The following ZXDC variants were observed in gnomAD, a reference collection of about 807,000 sequenced individuals.
The protein encoded by ZXDC is zinc finger protein ZXDC.
ZXDC carries 58 observed loss-of-function variants against 63.6 expected under a neutral mutation model. The observed-to-expected ratio is 0.91, with a 90% CI of 0.74 to 1.13. The LOEUF is 1.13. ZXDC is among the 50% of genes most tolerant of loss of function. The pLI is 0.00. For synonymous variants in ZXDC, 561 were observed against 496.1 expected (o/e 1.13, Z -1.74); for missense variants, 1,133 against 1,148.9 (o/e 0.99, Z 0.20).
At chr3:126,461,135 A>G (rs959289655) in intron 6 of ZXDC, 6 of 991,990 alleles carry the variant, frequency 6.0e-6, no homozygotes, top group Admixed American at 1.2e-4. Flanking sequence ...GTATGGTTTT[A>G]AAGTTTCCAT....
intron 7 of ZXDC, chr3:126,458,875 T>C (rs1934411519): frequency 1.0e-6 from 1 of 985,302 alleles, no homozygotes; most frequent in Non-Finnish European, 1.2e-6. Context: ...TACACTATAG[T>C]GAAACACTGG....
At chr3:126,474,872 C>G (rs1242451518) in intron 1 of ZXDC, 87 bp downstream of exon 1, 1 of 1,425,542 alleles carries the variant, frequency 7.0e-7, no homozygotes, top group Non-Finnish European at 9.3e-7. Context: ...TTGCTAAGGT[C>G]TGGCAGGCCC....
chr3:126,439,695 C>T lies in ZXDC; in HGVS notation c.2427G>A (p.Ser809=), dbSNP rs181610510. 53 of 1,552,490 alleles carry T rather than the reference C, an allele frequency of 3.4e-5. No individual in the cohort carries two copies. The highest frequency in any genetic ancestry group is 4.9e-5 in the East Asian group (2 of 41,138). ...DDPSGEGVLP[S]ARGPATFLPF... Reference sequence around the variant, plus strand: ...GGAGGAAGGTGGCTGGGCCGCGGGCCGAGGGCAGGACACCTTCGCCGGAGG... The same window carrying T: ...GGAGGAAGGTGGCTGGGCCGCGGGCTGAGGGCAGGACACCTTCGCCGGAGG... Residue 809 remains serine, a synonymous_variant, in exon 9 of 10, where the codon TCG becomes TCA. Coordinates refer to ENST00000389709, the MANE Select transcript of ZXDC (RefSeq NM_025112.5).
chr3:126,460,070 G>A, intron 6 of ZXDC: 1 of 985,334 alleles, frequency 1.0e-6, no homozygotes, highest in Non-Finnish European at 1.2e-6. Context: ...GCCTTGCCTG[G>A]GTAACCCAGG....
At chr3:126,459,836 C>T (rs1934452818) in intron 6 of ZXDC, 99 bp from the exon 7 acceptor site, 1 of 1,594,826 alleles carries the variant, frequency 6.3e-7, no homozygotes, top group Admixed American at 1.7e-5. Context: ...TGGGACATAT[C>T]CGAGCTCCCA....
intron 7 of ZXDC, chr3:126,450,316 A>G (rs1427234184): frequency 4.4e-6 from 2 of 456,652 alleles, no homozygotes; most frequent in South Asian, 3.1e-5. Context: ...GCCCCTAAAG[A>G]AAACACAAGA....
intron 8 of ZXDC, chr3:126,441,147 G>A (rs1287008758): frequency 1.0e-6 from 1 of 985,544 alleles, no homozygotes; most frequent in Admixed American, 6.2e-5. Context: ...GGTGTGCTCA[G>A]GGCTGCTGAA....
At chr3:126,452,233 C>T (rs1934133364) in intron 7 of ZXDC, 2 of 985,326 alleles carry the variant, frequency 2.0e-6, no homozygotes, top group African/African-American at 1.7e-5. Context: ...AGTGCAAATC[C>T]TCTATGTCAT....
intron 1 of ZXDC, among the ~76,000 whole-genome samples, chr3:126,472,645 A>G (rs1012907750): frequency 5.3e-5 from 8 of 152,188 alleles, no homozygotes; most frequent in Non-Finnish European, 1.0e-4. Context: ...ACCCCATGAG[A>G]GAAATCAAAT....
intron 6 of ZXDC, chr3:126,460,867 T>C (rs1934500193): frequency 1.0e-6 from 1 of 985,310 alleles, no homozygotes; most frequent in South Asian, 4.7e-5. Flanking sequence ...AATATAAATG[T>C]CACCATCAAA....
chr3:126,460,808 T>A, intron 6 of ZXDC: 1 of 984,436 alleles, frequency 1.0e-6, no homozygotes, highest in Non-Finnish European at 1.2e-6. Context: ...CTGCAAAAGA[T>A]GTAACATTTT....
intron 8 of ZXDC, chr3:126,440,275 G>A (rs1933626175): frequency 5.1e-6 from 5 of 989,064 alleles, no homozygotes; most frequent in Non-Finnish European, 6.0e-6. Flanking sequence ...CTGCATGTCC[G>A]CCCATGGCCA....
intron 7 of ZXDC, chr3:126,451,911 G>A (rs756700326): frequency 4.3e-5 from 42 of 985,300 alleles, no homozygotes; most frequent in Non-Finnish European, 4.8e-5. Flanking sequence ...CGTGAACAGA[G>A]TTACTGCATG....
At chr3:126,461,115 A>G (rs1350925919) in intron 6 of ZXDC, 17 of 988,382 alleles carry the variant, frequency 1.7e-5, no homozygotes, top group South Asian at 4.7e-5. Context: ...TAATTTTAAA[A>G]AAGAGTTTGG....
chr3:126,457,800 C>T (rs971095087), intron 7 of ZXDC: 24 of 405,286 alleles, frequency 5.9e-5, no homozygotes, highest in Non-Finnish European at 7.0e-5. Flanking sequence ...ATGGTTGCCA[C>T]CAGAGGCTGG....
chr3:126,440,072 A>C, intron 8 of ZXDC: 7 of 1,091,738 alleles, frequency 6.4e-6, no homozygotes, highest in Non-Finnish European at 7.8e-6. Flanking sequence ...ACCCCCACCA[A>C]CCTTGTGTAC....
At chr3:126,460,177 G>A (rs1029137117) in intron 6 of ZXDC, 14 of 971,516 alleles carry the variant, frequency 1.4e-5, no homozygotes, top group South Asian at 4.8e-5. Flanking sequence ...AGGCTGCTCT[G>A]GTGGCAGGGG....
At position 126,472,206 on chromosome 3, in the gene ZXDC, C is replaced by T. The variant is rs1935006795; in HGVS notation, c.1007G>A (p.Ser336Asn). The T allele has an allele frequency of 1.9e-6, 3 of 1,613,526 alleles. No homozygotes were observed. Among genetic ancestry groups the T allele is most frequent in the Non-Finnish European group, 2.5e-6 (3 of 1,179,430 alleles). ...ELFSCSFPGCSKQYDKACRLK... is the reference protein window; with the variant it reads ...ELFSCSFPGCNKQYDKACRLK... ...CCGACAGGCTTTATCATACTGCTTG[C>T]TGCACCCAGGAAAGGAGCAGGAAAA... Residue 336 changes from serine (S) to asparagine (N), a missense_variant, in exon 2 of 10, where the codon AGC becomes AAC. By Grantham distance (46) the Ser-to-Asn change is conservative. Transcript: ENST00000389709.
chr3:126,460,093 C>T (rs548159064), intron 6 of ZXDC: 54 of 985,410 alleles, frequency 5.5e-5, no homozygotes, highest in African/African-American at 4.2e-4. Flanking sequence ...CACCTTACCG[C>T]GACACTTTTC....
Sources: allele counts gnomAD v4.1 joint callset (sites outside exome capture counted in the v4.1 genomes callset), GRCh38; gene constraint gnomAD v4.1.1; transcripts MANE v1.5; gene names NCBI Gene and HGNC (gene_info 2026-07-23, HGNC 2026-07-21).